Variants in RPN1 observed in about 807,000 individuals in gnomAD.
The protein encoded by RPN1 is ribophorin I, also known as dolichyl-diphosphooligosaccharide--protein glycosyltransferase subunit 1.
Under a neutral mutation model 55.5 loss-of-function variants are expected in RPN1, and 12 were observed. The ratio of observed to expected loss-of-function variants is 0.22; its 90% CI spans 0.14 to 0.35. The LOEUF is 0.35. RPN1 is among the 10% of genes least tolerant of loss of function. RPN1 has a pLI of 1.00. For synonymous variants in RPN1, 317 were observed against 305.9 expected (o/e 1.04, Z -0.38); for missense variants, 679 against 761.3 (o/e 0.89, Z 1.27).
At position 128,650,721 on chromosome 3, in the gene RPN1, T is replaced by A; in HGVS notation, c.80A>T (p.Glu27Val). The change falls in exon 1 of 10, where the codon GAG becomes GTG. Residue 27 changes from glutamate (E) to valine (V), a missense_variant. By Grantham distance (121) the Glu-to-Val change is moderately radical. Transcript: ENST00000296255. ...WAPAPGSASS[E>V]APPLINEDVK... ...GTCCTCATTGATCAGCGGCGGTGCC[T>A]CGGAGGAGGCGCTGCCCGGCGCCGG... 1.3e-6 allele frequency: 2 copies of A among 1,562,388 alleles called. No homozygotes were observed. Among genetic ancestry groups the A allele is most frequent in the Non-Finnish European group, 1.7e-6 (2 of 1,153,406 alleles).
chr3:128,630,929 T>C (rs991611125), intron 4 of RPN1, among the ~76,000 whole-genome samples: 60 of 146,354 alleles, frequency 4.1e-4, no homozygotes, highest in Admixed American at 2.8e-3. Context: ...CTGGCTAACA[T>C]GGTGAAACCC....
At chr3:128,629,526 A>G (rs2069626553) in intron 5 of RPN1, among the ~76,000 whole-genome samples, 2 of 152,044 alleles carry the variant, frequency 1.3e-5, no homozygotes, top group African/African-American at 4.8e-5. Flanking sequence ...GCACCATTCC[A>G]CTCCAGCCTG....
At position 128,620,525 on chromosome 3, in the gene RPN1, C is replaced by A. The variant is rs750975502; in HGVS notation, c.1710G>T (p.Glu570Asp). 21 of 1,614,054 alleles carry A rather than the reference C, an allele frequency of 1.3e-5. No individual in the cohort carries two copies. Among genetic ancestry groups the A allele is most frequent in the Non-Finnish European group, 1.6e-5 (19 of 1,180,028 alleles). The stretch of plus-strand genomic sequence containing the variant: ...TCTTGAGCTTGCCAGCCACCAGGCG[C>A]TCAGCCTCCACCGCCGACTTCAGCA... Reference protein sequence around the residue: ...ELVLKSAVEAERLVAGKLKKD... With the variant: ...ELVLKSAVEADRLVAGKLKKD... The change falls in exon 10 of 10, where the codon GAG becomes GAT. Residue 570 changes from glutamate to aspartate, a missense_variant. Glu to Asp is a conservative substitution (Grantham distance 45, BLOSUM62 2). This residue lies in a region of RPN1 where 306 missense variants were observed against 360.0 expected (regional missense o/e 0.85). Transcript: ENST00000296255.
intron 3 of RPN1, among the ~76,000 whole-genome samples, chr3:128,635,652 T>TATATATATATAGATATATATAG (rs2069674699): frequency 1.1e-5 from 1 of 87,260 alleles, no homozygotes; most frequent in Non-Finnish European, 2.4e-5. Flanking sequence ...TATATATATA[T>TATATATATATAGATATATATAG]ATATATATAT....
chr3:128,639,674 G>A lies in RPN1; in HGVS notation c.327-1569C>T, dbSNP rs558021505. ...ACAATCTTGGCTCACCGCAACCTCC[G>A]CCTGCTGGGTTCAAGTGATTCTCCT... On this transcript the variant is annotated intron_variant, in intron 2 of 9. Transcript: ENST00000296255. Among the ~76,000 whole-genome samples the A allele has an allele frequency of 1.4e-3, 218 of 151,820 alleles. 1 individual carries two copies. Among genetic ancestry groups the A allele is most frequent in the Non-Finnish European group, 2.5e-3 (169 of 67,960 alleles).
At chr3:128,643,889 C>G (rs76411056) in intron 2 of RPN1, among the ~76,000 whole-genome samples, 3 of 151,974 alleles carry the variant, frequency 2.0e-5, no homozygotes, top group African/African-American at 7.3e-5. Context: ...CTTGAACCAT[C>G]GCACCACTGC....
Position 128,622,845 on chromosome 3 carries a change from C to T in RPN1, c.1396-436G>A, listed in dbSNP as rs1379967597. On this transcript the variant is annotated intron_variant, in intron 8 of 9. Transcript: ENST00000296255. The stretch of plus-strand genomic sequence containing the variant: ...CCAGGAGGCGGAGGTTGCAGTGAGC[C>T]GAGATCGCACCACTGCACTCCAGCC... Among the ~76,000 whole-genome samples the T allele has an allele frequency of 3.3e-5, 5 of 149,660 alleles. No homozygotes were observed. The East Asian group carries it at 7.9e-4, about 24-fold the overall frequency.
chr3:128,621,011 G>C (rs760530584), intron 9 of RPN1, among the ~76,000 whole-genome samples: 2 of 152,152 alleles, frequency 1.3e-5, no homozygotes, highest in Non-Finnish European at 2.9e-5. Context: ...AAGGGAAGGG[G>C]GGGTGACAGG....
At chr3:128,622,893 T>C (rs1440582320) in intron 8 of RPN1, among the ~76,000 whole-genome samples, 1 of 136,478 alleles carries the variant, frequency 7.3e-6, no homozygotes, top group Non-Finnish European at 1.5e-5. Context: ...CGAAACTCCA[T>C]CTCAAAAAAA....
Position 128,631,978 on chromosome 3 carries a change from A to C in RPN1, c.813T>G (p.Asp271Glu). 1 of 1,614,234 alleles carries C rather than the reference A, an allele frequency of 6.2e-7. No homozygotes were observed. ...AAGAACGGATGGAGGATATTCCACT[A>C]TCTGGCTGTCTCTGGTAATCATAGC... Reference protein sequence around the residue: ...FSRYDYQRQPDSGISSIRSFK... With the variant: ...FSRYDYQRQPESGISSIRSFK... The change falls in exon 4 of 10, where the codon GAT becomes GAG. Residue 271 changes from aspartate (D) to glutamate (E), a missense_variant. Transcript: ENST00000296255.
In RPN1 at chr3:128,650,644, C is replaced by T. The variant is rs2069811739; in HGVS notation, c.157G>A (p.Val53Met). ...CCGCCGCCCAGGTGCGCCAGGACCA[C>T]CTCGGCCGTCACCTTAGCCAGGTGG... ...SSHLAKVTAE[V>M]VLAHLGGGST... The change falls in exon 1 of 10, where the codon GTG becomes ATG. Residue 53 changes from valine to methionine, a missense_variant. Transcript: ENST00000296255. 6.4e-7 allele frequency: 1 copy of T among 1,558,976 alleles called. No individual in the cohort carries two copies. The highest frequency in any genetic ancestry group is 8.7e-7 in the Non-Finnish European group (1 of 1,151,328).
At chr3:128,627,411 A>G (rs1162097986) in intron 5 of RPN1, 3 of 153,780 alleles carry the variant, frequency 2.0e-5, no homozygotes, top group Non-Finnish European at 4.3e-5. Context: ...ATGTTTTTGC[A>G]CTAAAATAGC....
chr3:128,625,399 C>T (rs909874023), intron 8 of RPN1, 135 bp downstream of exon 8: 3 of 1,369,422 alleles, frequency 2.2e-6, no homozygotes, highest in African/African-American at 1.4e-5. Context: ...AGTACCCTTC[C>T]GGCAAGGATG....
rs749280827 is a variant in RPN1 at position 128,638,045 on chromosome 3, G to A, written c.387C>T (p.Val129=). The change falls in exon 3 of 10, where the codon GTC becomes GTT. Residue 129 remains valine (V), a synonymous_variant. Coordinates refer to ENST00000296255, the MANE Select transcript of RPN1 (RefSeq NM_002950.4). ...CATGGGTGTAGACTGTTTCCACAAT[G>A]ACTGAAATCTTGGCCCCAGGATCAA... ...VALDPGAKIS[V]IVETVYTHVL... 6.2e-7 allele frequency: 1 copy of A among 1,614,058 alleles called. No homozygotes were observed. The highest frequency in any genetic ancestry group is 1.1e-5 in the South Asian group (1 of 91,064).
In RPN1 at chr3:128,631,962, T is replaced by C; in HGVS notation, c.829A>G (p.Ile277Val). ...ACATTCCATACCTTAAAAGAACGGA[T>C]GGAGGATATTCCACTATCTGGCTGT... Reference protein sequence around the residue: ...QRQPDSGISSIRSFKTILPAA... With the variant: ...QRQPDSGISSVRSFKTILPAA... Residue 277 changes from isoleucine to valine, a missense_variant, in exon 4 of 10, where the codon ATC becomes GTC. This residue lies in a region of RPN1 where 352 missense variants were observed against 352.8 expected (regional missense o/e 1.00). Coordinates refer to ENST00000296255, the MANE Select transcript of RPN1 (RefSeq NM_002950.4). The C allele has an allele frequency of 6.2e-7, 1 of 1,614,150 alleles. No homozygotes were observed. The highest frequency in any genetic ancestry group is 1.1e-5 in the South Asian group (1 of 91,078).
chr3:128,636,488 A>C (rs1247620996), intron 3 of RPN1, among the ~76,000 whole-genome samples: 3 of 18,832 alleles, frequency 1.6e-4, no homozygotes, highest in East Asian at 3.5e-3. Flanking sequence ...ATAAAGACAA[A>C]AAAAAAAAAA....
intron 8 of RPN1, among the ~76,000 whole-genome samples, chr3:128,623,668 C>T (rs1326339568): frequency 1.3e-5 from 2 of 152,064 alleles, no homozygotes; most frequent in Non-Finnish European, 2.9e-5. Flanking sequence ...TGTGATTGAT[C>T]GGGGGACAGT....
chr3:128,637,273 GA>G (rs1307797634), intron 3 of RPN1, among the ~76,000 whole-genome samples: 1 of 151,870 alleles, frequency 6.6e-6, no homozygotes, highest in African/African-American at 2.4e-5. Context: ...CTCCACCAAA[GA>G]AAAAAAGAGG....
At chr3:128,621,902 G>A (rs556043983) in intron 9 of RPN1, among the ~76,000 whole-genome samples, 2 of 152,350 alleles carry the variant, frequency 1.3e-5, no homozygotes, top group East Asian at 3.9e-4. Flanking sequence ...AGGAGAGGAT[G>A]CAGCTACTCT....
Sources: gnomAD v4.1 joint callset for allele counts (sites outside exome capture counted in the v4.1 genomes callset) on GRCh38, gnomAD v4.1.1 for gene constraint, gnomAD v4.1.1 regional missense constraint, MANE v1.5 for transcripts, NCBI Gene and HGNC (gene_info 2026-07-23, HGNC 2026-07-21) for gene names.